SCD5: variants seen among roughly 807,000 people sequenced by gnomAD.
SCD5 encodes the protein stearoyl-CoA desaturase 5.
A neutral mutation model predicts 30.4 loss-of-function variants in SCD5; 20 were observed. The ratio of observed to expected loss-of-function variants is 0.66; its 90% confidence interval spans 0.46 to 0.96. SCD5 has a LOEUF of 0.96. SCD5 is among the 40% of genes least tolerant of loss of function. The probability of loss-of-function intolerance (pLI) is 0.00; values close to 1 mark genes in which losing one functional copy is unlikely to be tolerated. For synonymous variants in SCD5, 173 were observed against 176.4 expected (o/e 0.98, Z 0.16); for missense variants, 381 against 443.3 (o/e 0.86, Z 1.26).
chr4:82,651,075 C>T (rs1189276741), intron 3 of SCD5, among the ~76,000 whole-genome samples: 3 of 152,170 alleles, frequency 2.0e-5, no homozygotes, highest in Non-Finnish European at 4.4e-5. Flanking sequence ...CTATCTGATG[C>T]TGCAGGCAGT....
intron 1 of SCD5, among the ~76,000 whole-genome samples, chr4:82,710,576 G>A (rs1720062013): frequency 6.6e-6 from 1 of 152,130 alleles, no homozygotes; most frequent in Non-Finnish European, 1.5e-5. Flanking sequence ...AGGAGAGGAG[G>A]GGGAAGCCAA....
intron 1 of SCD5, among the ~76,000 whole-genome samples, chr4:82,794,094 C>A (rs148820434): frequency 6.6e-6 from 1 of 152,196 alleles, no homozygotes; most frequent in Non-Finnish European, 1.5e-5. Context: ...CATCCCATCA[C>A]CCCACACTGC....
intron 1 of SCD5, among the ~76,000 whole-genome samples, chr4:82,730,636 A>T (rs1351419959): frequency 7.9e-6 from 1 of 125,962 alleles, no homozygotes; most frequent in Non-Finnish European, 1.6e-5. Context: ...CCCAGGCTGG[A>T]GTGCAGTGGC....
intron 2 of SCD5, among the ~76,000 whole-genome samples, chr4:82,699,627 C>T (rs1239091920): frequency 3.4e-5 from 5 of 149,022 alleles, no homozygotes; most frequent in African/African-American, 1.2e-4. Flanking sequence ...AGTGCAATGG[C>T]CCAATGTCTC....
intron 2 of SCD5, among the ~76,000 whole-genome samples, chr4:82,690,194 G>A (rs1005485446): frequency 2.6e-5 from 4 of 152,094 alleles, no homozygotes; most frequent in Non-Finnish European, 1.5e-5. Flanking sequence ...ACACACTGAG[G>A]TATTTGGGAA....
intron 1 of SCD5, among the ~76,000 whole-genome samples, chr4:82,777,154 G>A (rs1466244380): frequency 6.6e-6 from 1 of 152,196 alleles, no homozygotes; most frequent in Non-Finnish European, 1.5e-5. Flanking sequence ...TTAGCCCCAT[G>A]ACATCACATT....
At chr4:82,710,180 C>T (rs1268454235) in intron 1 of SCD5, among the ~76,000 whole-genome samples, 3 of 152,154 alleles carry the variant, frequency 2.0e-5, no homozygotes, top group African/African-American at 4.8e-5. Flanking sequence ...ATCTCTCTCT[C>T]GGCAGATGAT....
chr4:82,668,304 G>A (rs2148818515), intron 3 of SCD5, among the ~76,000 whole-genome samples: 1 of 152,242 alleles, frequency 6.6e-6, no homozygotes, highest in East Asian at 1.9e-4. Flanking sequence ...GACGGAGATT[G>A]AGTAATGGGA....
At chr4:82,669,376 C>T (rs148287325) in intron 3 of SCD5, among the ~76,000 whole-genome samples, 1 of 151,456 alleles carries the variant, frequency 6.6e-6, no homozygotes, top group Non-Finnish European at 1.5e-5. Context: ...AGTTGCCACT[C>T]ATTCTAACAA....
intron 3 of SCD5, among the ~76,000 whole-genome samples, chr4:82,661,364 A>T (rs760623001): frequency 4.6e-5 from 7 of 152,220 alleles, no homozygotes; most frequent in Non-Finnish European, 7.3e-5. Flanking sequence ...CAACAAATTC[A>T]TTACTTACAA....
chr4:82,713,401 G>A (rs1720151486), intron 1 of SCD5, among the ~76,000 whole-genome samples: 1 of 152,150 alleles, frequency 6.6e-6, no homozygotes, highest in East Asian at 1.9e-4. Flanking sequence ...TTACTACTCT[G>A]CTACTGCACC....
At chr4:82,767,452 C>G (rs1184184911) in intron 1 of SCD5, among the ~76,000 whole-genome samples, 1 of 152,156 alleles carries the variant, frequency 6.6e-6, no homozygotes, top group African/African-American at 2.4e-5. Context: ...GGAAGTCTAT[C>G]AGGGCAATTG....
intron 1 of SCD5, among the ~76,000 whole-genome samples, chr4:82,715,528 T>C (rs76281515): frequency 0.022 from 3,335 of 151,132 alleles, 196 homozygotes; most frequent in African/African-American, 0.078. Flanking sequence ...AATTTCCTCA[T>C]TAATAAAAAA....
intron 1 of SCD5, among the ~76,000 whole-genome samples, chr4:82,718,603 C>T (rs1487043248): frequency 1.3e-5 from 2 of 151,662 alleles, no homozygotes; most frequent in Non-Finnish European, 2.9e-5. Context: ...TTGTTGTTAT[C>T]ACAATGTTTC....
At chr4:82,771,365 A>C (rs1578061655) in intron 1 of SCD5, among the ~76,000 whole-genome samples, 1 of 152,122 alleles carries the variant, frequency 6.6e-6, no homozygotes, top group Admixed American at 6.5e-5. Flanking sequence ...ACTTATACTC[A>C]AAGTGTTCTC....
intron 3 of SCD5, among the ~76,000 whole-genome samples, chr4:82,670,213 C>G (rs1206311078): frequency 6.6e-6 from 1 of 152,132 alleles, no homozygotes. Context: ...GGAATTGTCA[C>G]ACAGGAATTT....
At chr4:82,712,297 T>TATACATA (rs1560540874) in intron 1 of SCD5, among the ~76,000 whole-genome samples, 10 of 33,726 alleles carry the variant, frequency 3.0e-4, no homozygotes, top group South Asian at 1.2e-3. Flanking sequence ...TATATATATA[T>TATACATA]TTTATTTTTA....
intron 1 of SCD5, among the ~76,000 whole-genome samples, chr4:82,786,286 C>T (rs1721986122): frequency 6.6e-6 from 1 of 151,924 alleles, no homozygotes; most frequent in African/African-American, 2.4e-5. Context: ...CTATTAGAGA[C>T]GGCCTTTCCA....
chr4:82,705,094 C>T (rs535380744), intron 2 of SCD5, among the ~76,000 whole-genome samples, 189 bp downstream of exon 2: 69 of 152,348 alleles, frequency 4.5e-4, no homozygotes, highest in African/African-American at 1.5e-3. Flanking sequence ...GGCACAAAAC[C>T]CCCCCAGGGG....
Sources: gnomAD v4.1 joint callset for allele counts (sites outside exome capture counted in the v4.1 genomes callset) on GRCh38, gnomAD v4.1.1 for gene constraint, MANE v1.5 for transcripts, NCBI Gene and HGNC (gene_info 2026-07-23, HGNC 2026-07-21) for gene names.